The following NRCAM variants were observed in gnomAD, a reference collection of about 807,000 sequenced individuals.
NRCAM encodes neuronal cell adhesion molecule.
A neutral mutation model predicts 156.5 loss-of-function variants in NRCAM; 83 were observed. The observed-to-expected ratio is 0.53, with a 90% CI of 0.44 to 0.64. The LOEUF (loss-of-function observed/expected upper bound fraction) is 0.64. NRCAM is among the 30% of genes least tolerant of loss of function. The pLI is 0.00. For missense variants in NRCAM, 1,417 were observed against 1,597.3 expected (o/e 0.89, Z 1.92); for synonymous variants, 538 against 563.9 (o/e 0.95, Z 0.65).
chr7:108,164,775 T>C (rs2052738465), intron 30 of NRCAM, among the ~76,000 whole-genome samples: 1 of 152,286 alleles, frequency 6.6e-6, no homozygotes, highest in Non-Finnish European at 1.5e-5. Flanking sequence ...CAATATTTGT[T>C]CTTTTTAATA....
At chr7:108,323,816 T>G (rs1296350458) in intron 2 of NRCAM, among the ~76,000 whole-genome samples, 1 of 152,130 alleles carries the variant, frequency 6.6e-6, no homozygotes, top group East Asian at 1.9e-4. Flanking sequence ...GCTGCAATTT[T>G]AAGTACAATG....
intron 3 of NRCAM, among the ~76,000 whole-genome samples, chr7:108,298,094 A>G (rs1276229624): frequency 6.6e-6 from 1 of 152,174 alleles, no homozygotes; most frequent in Non-Finnish European, 1.5e-5. Flanking sequence ...ACCCAGAATA[A>G]AACACTTTAT....
At chr7:108,218,180 G>T (rs960195553) in intron 11 of NRCAM, among the ~76,000 whole-genome samples, 3 of 151,750 alleles carry the variant, frequency 2.0e-5, no homozygotes, top group African/African-American at 7.3e-5. Flanking sequence ...GGCTGGGGGG[G>T]GGGGGGAGTT....
intron 2 of NRCAM, among the ~76,000 whole-genome samples, chr7:108,391,803 G>A (rs970725624): frequency 6.6e-6 from 1 of 152,196 alleles, no homozygotes; most frequent in Non-Finnish European, 1.5e-5. Context: ...TTGCTTGTCA[G>A]TAAAGGATTT....
At chr7:108,273,383 A>G (rs1252030974) in intron 3 of NRCAM, among the ~76,000 whole-genome samples, 2 of 152,164 alleles carry the variant, frequency 1.3e-5, no homozygotes, top group Non-Finnish European at 2.9e-5. Flanking sequence ...AAGCGTTCCT[A>G]TTTCTCTACA....
rs1480382804 is a variant in NRCAM at position 108,264,242 on chromosome 7, C to CT, written c.-106-24073dup. Among the ~76,000 whole-genome samples the CT allele has an allele frequency of 1.1e-4, 17 of 152,354 alleles. 1 individual carries two copies. The South Asian group carries it at 3.5e-3, about 32-fold the overall frequency. ...CTGCCCGCTTTGGCTTCCCAAAGCA[C>CT]TGGGACTATAGGCATTAGCCTCTGC... On this transcript the variant is annotated intron_variant, in intron 3 of 32. Transcript: ENST00000379028.
At chr7:108,349,325 G>A (rs2099394279) in intron 2 of NRCAM, among the ~76,000 whole-genome samples, 1 of 151,564 alleles carries the variant, frequency 6.6e-6, no homozygotes, top group Non-Finnish European at 1.5e-5. Context: ...CTGGAGTGCA[G>A]TGGCATGATC....
intron 5 of NRCAM, among the ~76,000 whole-genome samples, chr7:108,237,061 A>G (rs2193254): frequency 0.29 from 44,072 of 152,054 alleles, 6,938 homozygotes; most frequent in African/African-American, 0.41. Flanking sequence ...AGTAAGAAAA[A>G]CAGTGATTTT....
chr7:108,261,253 T>C (rs2096877870), intron 3 of NRCAM, among the ~76,000 whole-genome samples: 1 of 152,172 alleles, frequency 6.6e-6, no homozygotes, highest in Non-Finnish European at 1.5e-5. Context: ...CAGGTAAAGG[T>C]TGTGCTCCTA....
At chr7:108,378,846 G>C (rs1200847983) in intron 2 of NRCAM, among the ~76,000 whole-genome samples, 1 of 151,524 alleles carries the variant, frequency 6.6e-6, no homozygotes. Context: ...GAGGATTATA[G>C]AAAAGAACGG....
intron 2 of NRCAM, among the ~76,000 whole-genome samples, chr7:108,322,914 A>C (rs1199008585): frequency 6.6e-6 from 1 of 152,244 alleles, no homozygotes; most frequent in African/African-American, 2.4e-5. Flanking sequence ...TGAATTAAAT[A>C]GCTTACCAAG....
At chr7:108,347,793 G>C (rs950335929) in intron 2 of NRCAM, among the ~76,000 whole-genome samples, 1 of 152,172 alleles carries the variant, frequency 6.6e-6, no homozygotes, top group African/African-American at 2.4e-5. Context: ...CTCAAGGCTG[G>C]CTACACAAAG....
intron 32 of NRCAM, chr7:108,159,160 TGCTCATAGTA>T (rs1585286728): frequency 2.0e-6 from 1 of 488,308 alleles, no homozygotes; most frequent in East Asian, 4.7e-5. Context: ...GTTGTTTTAA[TGCTCATAGTA>T]GCATATTGGC....
At chr7:108,325,948 G>A (rs2099064123) in intron 2 of NRCAM, among the ~76,000 whole-genome samples, 1 of 151,886 alleles carries the variant, frequency 6.6e-6, no homozygotes, top group Non-Finnish European at 1.5e-5. Context: ...TTGGGGAAAG[G>A]AATCTGAGGG....
chr7:108,284,835 G>A (rs547383071), intron 3 of NRCAM, among the ~76,000 whole-genome samples: 4 of 152,168 alleles, frequency 2.6e-5, no homozygotes, highest in Admixed American at 6.5e-5. Context: ...TAAGCACCTC[G>A]CTGGGGAGGG....
At chr7:108,376,725 A>G (rs184434000) in intron 2 of NRCAM, among the ~76,000 whole-genome samples, 2 of 152,324 alleles carry the variant, frequency 1.3e-5, no homozygotes, top group Admixed American at 6.5e-5. Flanking sequence ...TGGGGAAAAG[A>G]CCACCTTAAT....
At chr7:108,339,296 T>C (rs537870973) in intron 2 of NRCAM, among the ~76,000 whole-genome samples, 1 of 152,194 alleles carries the variant, frequency 6.6e-6, no homozygotes, top group Non-Finnish European at 1.5e-5. Flanking sequence ...GAGACTCTTG[T>C]GGAAGCAGAG....
chr7:108,258,532 C>T (rs892096426), intron 3 of NRCAM, among the ~76,000 whole-genome samples: 1 of 152,174 alleles, frequency 6.6e-6, no homozygotes, highest in Non-Finnish European at 1.5e-5. Context: ...GACAGACCCA[C>T]GTGGGGGAAA....
At chr7:108,424,937 G>A (rs62467879) in intron 1 of NRCAM, among the ~76,000 whole-genome samples, 4,235 of 152,182 alleles carry the variant, frequency 0.028, 204 homozygotes, top group East Asian at 0.22. Context: ...TTAAGCTCTG[G>A]AGAAAATTAT....
Sources: gnomAD v4.1 joint callset for allele counts (sites outside exome capture counted in the v4.1 genomes callset) on GRCh38, gnomAD v4.1.1 for gene constraint, MANE v1.5 for transcripts, NCBI Gene and HGNC (gene_info 2026-07-23, HGNC 2026-07-21) for gene names.